Variants in DPP6 observed in about 807,000 individuals in gnomAD.
DPP6 encodes the protein dipeptidyl peptidase like 6.
Under a neutral mutation model 122.6 loss-of-function variants are expected in DPP6, and 69 were observed. The observed-to-expected ratio is 0.56, with a 90% confidence interval of 0.46 to 0.69. DPP6 has a LOEUF of 0.69. DPP6 is among the 30% of genes least tolerant of loss of function. DPP6 has a pLI of 0.00. For synonymous variants in DPP6, 418 were observed against 433.1 expected (o/e 0.97, Z 0.43); for missense variants, 928 against 1,116.9 (o/e 0.83, Z 2.41).
chr7:154,130,502 T>C (rs1159741202), intron 1 of DPP6, among the ~76,000 whole-genome samples: 1 of 152,194 alleles, frequency 6.6e-6, no homozygotes, highest in African/African-American at 2.4e-5. Flanking sequence ...AGCAGGATGA[T>C]GTTACTTTCC....
chr7:153,759,684 G>A, the DPP6 span, among the ~76,000 whole-genome samples: 12 of 151,994 alleles, frequency 7.9e-5, no homozygotes, highest in Admixed American at 2.6e-4. Flanking sequence ...GTGAAAAAAA[G>A]AACTTTGATA....
intron 10 of DPP6, among the ~76,000 whole-genome samples, chr7:154,792,128 T>TA (rs1186369258): frequency 6.6e-6 from 1 of 152,280 alleles, no homozygotes; most frequent in Admixed American, 6.5e-5. Flanking sequence ...CGGGAGACCT[T>TA]ACATTTTCTT....
chr7:154,494,226 G>A (rs189568792), intron 3 of DPP6, among the ~76,000 whole-genome samples: 1,765 of 152,008 alleles, frequency 0.012, 16 homozygotes, highest in Non-Finnish European at 0.017. Flanking sequence ...CCTGGTGGTG[G>A]ACACCTGTAG....
At chr7:154,781,073 C>CT in intron 10 of DPP6, among the ~76,000 whole-genome samples, 1 of 151,952 alleles carries the variant, frequency 6.6e-6, no homozygotes, top group Middle Eastern at 3.4e-3. Context: ...GGATGATGGA[C>CT]AGTTGGATGA....
intron 5 of DPP6, among the ~76,000 whole-genome samples, chr7:154,585,733 A>C (rs1300240708): frequency 6.6e-6 from 1 of 152,324 alleles, no homozygotes; most frequent in South Asian, 2.1e-4. Flanking sequence ...GACAAGAAAA[A>C]ATCTGCACAT....
chr7:154,365,343 G>A (rs528501361), intron 1 of DPP6, among the ~76,000 whole-genome samples: 2 of 152,236 alleles, frequency 1.3e-5, no homozygotes, highest in African/African-American at 2.4e-5. Flanking sequence ...ATCATGATAC[G>A]GATTTAGTAG....
At chr7:154,303,408 C>T (rs776074060) in intron 1 of DPP6, among the ~76,000 whole-genome samples, 2 of 152,108 alleles carry the variant, frequency 1.3e-5, no homozygotes, top group Non-Finnish European at 2.9e-5. Context: ...GACCTTACAC[C>T]GCAGTGGCTC....
At chr7:154,371,212 T>C (rs1435102898) in intron 1 of DPP6, among the ~76,000 whole-genome samples, 1 of 151,792 alleles carries the variant, frequency 6.6e-6, no homozygotes, top group Non-Finnish European at 1.5e-5. Context: ...ACCCTGTGTC[T>C]ACTAAAAAGT....
chr7:154,175,998 T>C (rs1311513863), intron 1 of DPP6, among the ~76,000 whole-genome samples: 2 of 151,270 alleles, frequency 1.3e-5, no homozygotes. Flanking sequence ...AGAGGCTGGC[T>C]TTTTTTTGCT....
At position 154,446,276 on chromosome 7, in the gene DPP6, C is replaced by G. The variant is rs377189576; in HGVS notation, c.306C>G (p.Val102=). 8 of 1,612,514 alleles carry G rather than the reference C, an allele frequency of 5.0e-6. No individual in the cohort carries two copies. The African/African-American group carries it at 1.1e-4, about 22-fold the overall frequency. The change falls in exon 2 of 26, where the codon GTC becomes GTG. Residue 102 remains valine, a synonymous_variant. Coordinates refer to ENST00000377770, the MANE Select transcript of DPP6 (RefSeq NM_130797.4). ...AAGGAATAGCAATTGCACTGCTTGT[C>G]ATTCTGGTCATCTGCTCCTTGATCG... ...NWKGIAIALL[V]ILVICSLIVT...
At chr7:154,356,630 A>G (rs185356752) in intron 1 of DPP6, among the ~76,000 whole-genome samples, 54 of 152,314 alleles carry the variant, frequency 3.5e-4, no homozygotes, top group African/African-American at 1.3e-3. Context: ...TAGTCAGACA[A>G]TTCTATCTAA....
At chr7:154,146,511 T>A (rs1021525801) in intron 1 of DPP6, among the ~76,000 whole-genome samples, 1 of 152,104 alleles carries the variant, frequency 6.6e-6, no homozygotes, top group African/African-American at 2.4e-5. Flanking sequence ...GCTGATTCTT[T>A]CCCTCCCTCC....
chr7:153,773,632 G>A, the DPP6 span, among the ~76,000 whole-genome samples: 12 of 144,600 alleles, frequency 8.3e-5, no homozygotes, highest in Admixed American at 4.2e-4. Context: ...AAAGTTTCAA[G>A]GAATTTAAAA....
In DPP6 at chr7:154,863,879, C is replaced by T. The variant is rs565115147; in HGVS notation, c.1715-4116C>T. ...TGAGTAAGTTTAAACAGTAGTCATG[C>T]GGGCTCTGGGCCTGAATCTGGTCTT... On this transcript the variant is annotated intron_variant, in intron 17 of 25. Coordinates refer to ENST00000377770, the MANE Select transcript of DPP6 (RefSeq NM_130797.4). The surrounding 1 kb of genome is among the most constrained non-coding windows in gnomAD (Gnocchi z 4.1). Among the ~76,000 whole-genome samples the T allele has an allele frequency of 4.6e-5, 7 of 152,202 alleles. No individual in the cohort carries two copies. In the South Asian group the frequency reaches 1.0e-3, roughly 23 times the overall value.
intron 1 of DPP6, among the ~76,000 whole-genome samples, chr7:154,211,643 G>A (rs1012742127): frequency 2.6e-5 from 4 of 152,106 alleles, no homozygotes; most frequent in Non-Finnish European, 5.9e-5. Context: ...TAATCCCAGG[G>A]CCCAATCTTT....
chr7:154,878,511 G>A (rs1042830124), intron 20 of DPP6, among the ~76,000 whole-genome samples: 9 of 152,232 alleles, frequency 5.9e-5, no homozygotes, highest in African/African-American at 2.2e-4. Context: ...CCCTAGGAAC[G>A]AGGTCTGCAT....
intron 1 of DPP6, among the ~76,000 whole-genome samples, chr7:154,275,467 G>A (rs1182997588): frequency 1.3e-5 from 2 of 152,174 alleles, no homozygotes; most frequent in Non-Finnish European, 2.9e-5. Context: ...AGGTCTCGGG[G>A]CCTCTCCTTT....
Position 154,019,396 on chromosome 7 carries a change from C to T in DPP6, c.51+131662C>T, listed in dbSNP as rs183296939. On this transcript the variant is annotated intron_variant, in intron 1 of 25. Coordinates refer to the DPP6 transcript ENST00000404039. ...CTCTTTCTATTTCTTCTTTCTTTCT[C>T]CCTTCCTTCCCTTTTTTCTTTATCT... Among the ~76,000 whole-genome samples the T allele has an allele frequency of 4.7e-3, 704 of 149,994 alleles. 7 individuals carry two copies. Among genetic ancestry groups the T allele is most frequent in the African/African-American group, 0.016 (670 of 40,854 alleles).
At chr7:154,003,733 G>A (rs1475334143) in intron 1 of DPP6, among the ~76,000 whole-genome samples, 2 of 151,896 alleles carry the variant, frequency 1.3e-5, no homozygotes, top group African/African-American at 4.8e-5. Context: ...GCCTTGCCAG[G>A]GGCATCTTTT....
Sources: allele counts gnomAD v4.1 joint callset (sites outside exome capture counted in the v4.1 genomes callset), GRCh38; gene constraint gnomAD v4.1.1; non-coding constraint Gnocchi (gnomAD v3.1); transcripts MANE v1.5; gene names NCBI Gene and HGNC (gene_info 2026-07-23, HGNC 2026-07-21).